Variants in CSNK2A2 observed in about 807,000 individuals in gnomAD.
The protein encoded by CSNK2A2 is casein kinase 2 alpha 2, also known as casein kinase II subunit alpha'.
A neutral mutation model predicts 54.0 loss-of-function variants in CSNK2A2; 8 were observed. That is an observed-to-expected ratio of 0.15 (90% CI 0.09 to 0.27). CSNK2A2 has a LOEUF of 0.27. Among genes scored for constraint, CSNK2A2 ranks in the 10% least tolerant of loss-of-function variants. The pLI, the probability that CSNK2A2 is intolerant of heterozygous loss-of-function variation, is 1.00. For missense variants in CSNK2A2, 242 were observed against 439.4 expected (o/e 0.55, Z 4.02); for synonymous variants, 141 against 153.9 (o/e 0.92, Z 0.62).
chr16:58,185,324 C>T (rs556076224), intron 3 of CSNK2A2, among the ~76,000 whole-genome samples: 1 of 152,320 alleles, frequency 6.6e-6, no homozygotes, highest in Admixed American at 6.5e-5. Context: ...GTAAGGGTTT[C>T]ATCAGTATTA....
chr16:58,196,900 GC>G, intron 1 of CSNK2A2, 56 bp from the exon 2 acceptor site: 1 of 1,085,036 alleles, frequency 9.2e-7, no homozygotes, highest in Non-Finnish European at 1.4e-6. Flanking sequence ...CCAAGCCTAT[GC>G]CCACTGTACA....
chr16:58,188,193 G>T (rs1256792967), intron 2 of CSNK2A2, among the ~76,000 whole-genome samples: 1 of 152,094 alleles, frequency 6.6e-6, no homozygotes, highest in Non-Finnish European at 1.5e-5. Flanking sequence ...TATAACAGGG[G>T]GCTCAACTGA....
At chr16:58,187,949 T>C (rs1041368117) in intron 2 of CSNK2A2, among the ~76,000 whole-genome samples, 1 of 151,716 alleles carries the variant, frequency 6.6e-6, no homozygotes, top group East Asian at 1.9e-4. Flanking sequence ...ATTTTATCAC[T>C]GAGACACTGT....
intron 2 of CSNK2A2, among the ~76,000 whole-genome samples, chr16:58,195,193 A>C (rs1351629758): frequency 6.7e-6 from 1 of 148,376 alleles, no homozygotes; most frequent in Non-Finnish European, 1.5e-5. Flanking sequence ...AAAAAAAAAA[A>C]CCACCTTGTG....
At chr16:58,189,428 A>G (rs1007076422) in intron 2 of CSNK2A2, among the ~76,000 whole-genome samples, 35 of 152,060 alleles carry the variant, frequency 2.3e-4, no homozygotes, top group African/African-American at 7.7e-4. Context: ...ATCCACCAAA[A>G]ACCCTCTTCT....
chr16:58,167,037 T>C (rs1437486448), intron 8 of CSNK2A2, among the ~76,000 whole-genome samples, 170 bp downstream of exon 8: 1 of 152,220 alleles, frequency 6.6e-6, no homozygotes, highest in Non-Finnish European at 1.5e-5. Context: ...CTGCCTCTAC[T>C]TCTGCGGACC....
chr16:58,185,445 C>T (rs1309150490), intron 3 of CSNK2A2, among the ~76,000 whole-genome samples: 1 of 152,152 alleles, frequency 6.6e-6, no homozygotes, highest in Non-Finnish European at 1.5e-5. Flanking sequence ...TCATGTAAAA[C>T]ATACACATAC....
At chr16:58,167,174 C>G in intron 8 of CSNK2A2, 33 bp downstream of exon 8, 1 of 1,546,894 alleles carries the variant, frequency 6.5e-7, no homozygotes, top group Non-Finnish European at 8.8e-7. Context: ...CATTCACCCC[C>G]AAATAAATAA....
intron 4 of CSNK2A2, among the ~76,000 whole-genome samples, chr16:58,182,404 A>AAAAC (rs1567470360): frequency 6.4e-5 from 9 of 139,868 alleles, no homozygotes; most frequent in Non-Finnish European, 1.1e-4. Flanking sequence ...AAAAAAAAAA[A>AAAAC]ACTAGCCAGG....
chr16:58,185,049 T>C (rs551484980), intron 3 of CSNK2A2, among the ~76,000 whole-genome samples: 3 of 152,274 alleles, frequency 2.0e-5, no homozygotes, highest in East Asian at 3.9e-4. Context: ...CTTGTGTAAA[T>C]CTAGATTTTC....
chr16:58,196,953 C>CTA, intron 1 of CSNK2A2, 109 bp from the exon 2 acceptor site: 1 of 767,962 alleles, frequency 1.3e-6, no homozygotes, highest in East Asian at 2.5e-5. Context: ...TTGGAAGTGT[C>CTA]TATACATCAC....
chr16:58,197,722 G>A lies in CSNK2A2; in HGVS notation c.15C>T (p.Ala5=). 1 of 1,467,626 alleles carries A rather than the reference G, an allele frequency of 6.8e-7. No homozygotes were observed. The allele number at this position is 1,467,626 out of a possible 1,614,324, so 90.9% of individuals were successfully genotyped here. Residue 5 remains alanine (A), a synonymous_variant, in exon 1 of 12, where the codon GCC becomes GCT. Coordinates refer to ENST00000262506, the MANE Select transcript of CSNK2A2 (RefSeq NM_001896.4). The surrounding 1 kb of genome is among the most constrained non-coding windows in gnomAD (Gnocchi z 4.0). Reference sequence around the variant, plus strand: ...CGTAGACCCGGGCCCTGCTGCCCGCGGCCGGGCCGGGCATGGCGGGCGGGA... The same window carrying A: ...CGTAGACCCGGGCCCTGCTGCCCGCAGCCGGGCCGGGCATGGCGGGCGGGA... MPGP[A]AGSRARVYAE...
chr16:58,161,574 G>GACAC (rs369952554), intron 11 of CSNK2A2: 2 of 143,020 alleles, frequency 1.4e-5, no homozygotes, highest in African/African-American at 2.8e-5. Context: ...CACACACACA[G>GACAC]ACACACACAC....
chr16:58,181,286 C>T (rs2142434330), intron 4 of CSNK2A2, among the ~76,000 whole-genome samples: 1 of 152,244 alleles, frequency 6.6e-6, no homozygotes, highest in African/African-American at 2.4e-5. Flanking sequence ...ATGTTCAGGA[C>T]GGGGGACCTC....
chr16:58,166,999 T>C (rs1961582696), intron 8 of CSNK2A2, among the ~76,000 whole-genome samples: 1 of 152,218 alleles, frequency 6.6e-6, no homozygotes, highest in Non-Finnish European at 1.5e-5. Context: ...ACAGATTCAC[T>C]TTGGAAGTTT....
intron 3 of CSNK2A2, among the ~76,000 whole-genome samples, chr16:58,186,500 T>C (rs1308128366): frequency 6.6e-6 from 1 of 152,228 alleles, no homozygotes; most frequent in East Asian, 1.9e-4. Context: ...CAAACATTTG[T>C]GGGCTGAATC....
chr16:58,183,546 C>T (rs1012329349), intron 4 of CSNK2A2, among the ~76,000 whole-genome samples: 3 of 152,070 alleles, frequency 2.0e-5, no homozygotes, highest in Admixed American at 2.0e-4. Context: ...TACAAGTCCT[C>T]CAAGTGCCCC....
intron 3 of CSNK2A2, among the ~76,000 whole-genome samples, chr16:58,184,863 T>C (rs1286713073): frequency 2.0e-5 from 3 of 152,182 alleles, no homozygotes; most frequent in Non-Finnish European, 4.4e-5. Flanking sequence ...AAGGAAAATA[T>C]AACCATCCGT....
chr16:58,166,739 C>A (rs147157696), intron 8 of CSNK2A2, 55 bp from the exon 9 acceptor site: 2 of 1,225,344 alleles, frequency 1.6e-6, no homozygotes, highest in Admixed American at 3.4e-5. Flanking sequence ...ACCATGAGCC[C>A]GTGAGGACAC....
Sources: gnomAD v4.1 joint callset for allele counts (sites outside exome capture counted in the v4.1 genomes callset) on GRCh38, gnomAD v4.1.1 for gene constraint, Gnocchi (gnomAD v3.1) non-coding constraint, MANE v1.5 for transcripts, NCBI Gene and HGNC (gene_info 2026-07-23, HGNC 2026-07-21) for gene names.